Variants in CFAP20DC observed in about 807,000 individuals in gnomAD.
CFAP20DC encodes the protein protein CFAP20DC.
CFAP20DC carries 84 observed loss-of-function variants against 101.7 expected under a neutral mutation model. That is an observed-to-expected ratio of 0.83 (90% CI 0.69 to 0.99). The LOEUF is 0.99. Ranked by LOEUF, CFAP20DC falls within the 50% of genes least tolerant of loss-of-function variation. CFAP20DC has a pLI of 0.00. For missense variants in CFAP20DC, 1,007 were observed against 970.3 expected (o/e 1.04, Z -0.50); for synonymous variants, 359 against 351.2 (o/e 1.02, Z -0.25).
At chr3:58,816,450 G>A (rs1047579141) in intron 14 of CFAP20DC, among the ~76,000 whole-genome samples, 3 of 152,142 alleles carry the variant, frequency 2.0e-5, no homozygotes, top group East Asian at 1.9e-4. Context: ...TGCGCGAGCC[G>A]AAGCAGGGCG....
At chr3:59,033,527 A>T (rs1193705307) in intron 4 of CFAP20DC, among the ~76,000 whole-genome samples, 1 of 152,160 alleles carries the variant, frequency 6.6e-6, no homozygotes, top group Non-Finnish European at 1.5e-5. Flanking sequence ...GAGCTGAAAA[A>T]CACAGCACAA....
chr3:58,774,148 T>G (rs1206686243), intron 15 of CFAP20DC, among the ~76,000 whole-genome samples: 2 of 152,178 alleles, frequency 1.3e-5, no homozygotes, highest in African/African-American at 4.8e-5. Context: ...CAGAAAAAAC[T>G]AATCAAGCAT....
At chr3:58,770,204 C>T (rs758007860) in intron 15 of CFAP20DC, among the ~76,000 whole-genome samples, 2 of 152,184 alleles carry the variant, frequency 1.3e-5, no homozygotes, top group Non-Finnish European at 2.9e-5. Flanking sequence ...CTCAAGAATA[C>T]GTGAACAGTA....
intron 6 of CFAP20DC, among the ~76,000 whole-genome samples, chr3:58,909,900 A>T (rs2083973847): frequency 6.6e-6 from 1 of 152,056 alleles, no homozygotes; most frequent in Non-Finnish European, 1.5e-5. Flanking sequence ...CTACTCCCCA[A>T]CAGGCCCCAG....
intron 15 of CFAP20DC, among the ~76,000 whole-genome samples, chr3:58,756,668 A>C (rs544386127): frequency 4.6e-5 from 7 of 152,196 alleles, no homozygotes; most frequent in South Asian, 4.1e-4. Context: ...CCATCCCCTC[A>C]TAACTTCTAC....
Position 58,795,157 on chromosome 3 carries a change from G to T in CFAP20DC, c.2237+11238C>A, listed in dbSNP as rs1382732552. Among the ~76,000 whole-genome samples, 1 of 152,112 alleles carries T rather than the reference G, an allele frequency of 6.6e-6. No individual in the cohort carries two copies. The highest frequency in any genetic ancestry group is 1.5e-5 in the Non-Finnish European group (1 of 68,030). ...TTTAAAGGTTCTCATTACTCTTGAG[G>T]GGGAAGCTGAATCTTTTAATTAAAA... On this transcript the variant is annotated intron_variant, in intron 15 of 16. Transcript: ENST00000482387. The surrounding 1 kb of genome is among the most constrained non-coding windows in gnomAD (Gnocchi z 4.2).
chr3:58,975,279 G>A (rs2092211283), intron 4 of CFAP20DC, among the ~76,000 whole-genome samples: 1 of 151,852 alleles, frequency 6.6e-6, no homozygotes, highest in East Asian at 1.9e-4. Flanking sequence ...TTTTTTCAGA[G>A]TACTTACCAC....
At chr3:58,933,024 C>A (rs1241048489) in intron 5 of CFAP20DC, among the ~76,000 whole-genome samples, 1 of 152,062 alleles carries the variant, frequency 6.6e-6, no homozygotes, top group Non-Finnish European at 1.5e-5. Context: ...ATTCAGGAAA[C>A]CCATCTCACG....
intron 1 of CFAP20DC, among the ~76,000 whole-genome samples, chr3:59,049,249 A>T (rs115808797): frequency 2.3e-3 from 348 of 152,356 alleles, no homozygotes; most frequent in African/African-American, 8.1e-3. Context: ...CCAGTGTTGC[A>T]TGAATACTGA....
At chr3:58,925,549 G>A (rs1022942323) in intron 5 of CFAP20DC, among the ~76,000 whole-genome samples, 1 of 152,116 alleles carries the variant, frequency 6.6e-6, no homozygotes, top group Non-Finnish European at 1.5e-5. Context: ...AAGTTCAGAG[G>A]TTTATGATGA....
chr3:58,855,198 A>C (rs896984092), intron 12 of CFAP20DC, among the ~76,000 whole-genome samples: 2 of 152,198 alleles, frequency 1.3e-5, no homozygotes, highest in African/African-American at 4.8e-5. Context: ...ACACTTCTCA[A>C]AAGAAGACAT....
At chr3:59,022,375 G>A (rs1560006788) in intron 4 of CFAP20DC, among the ~76,000 whole-genome samples, 2 of 151,994 alleles carry the variant, frequency 1.3e-5, no homozygotes, top group Non-Finnish European at 2.9e-5. Flanking sequence ...AATTGGATAA[G>A]ATTTGTAGAT....
intron 12 of CFAP20DC, among the ~76,000 whole-genome samples, chr3:58,860,559 G>C (rs1298936306): frequency 6.6e-6 from 1 of 152,090 alleles, no homozygotes; most frequent in African/African-American, 2.4e-5. Context: ...CAAATTACTT[G>C]GCCTTGCAAA....
chr3:58,844,828 C>T (rs1198173731), intron 13 of CFAP20DC, among the ~76,000 whole-genome samples: 1 of 138,712 alleles, frequency 7.2e-6, no homozygotes, highest in African/African-American at 3.0e-5. Flanking sequence ...GACCACAGTG[C>T]AATCAAACTA....
intron 3 of CFAP20DC, among the ~76,000 whole-genome samples, chr3:58,720,679 A>C (rs780860857): frequency 6.6e-6 from 1 of 152,214 alleles, no homozygotes; most frequent in Non-Finnish European, 1.5e-5. Flanking sequence ...TACAGCTCGG[A>C]CTATAATCTC....
chr3:58,924,871 T>G (rs1219373658), intron 5 of CFAP20DC, among the ~76,000 whole-genome samples: 2 of 152,192 alleles, frequency 1.3e-5, no homozygotes, highest in Non-Finnish European at 2.9e-5. Context: ...CCACTGTTTG[T>G]CTTCTTTTGA....
chr3:58,754,099 A>G lies in CFAP20DC; in HGVS notation c.2238-236T>C, dbSNP rs531839217. ...CTTCAACTAAATGAATATTCCACTC[A>G]AAAGTTTATTATTGTTGTTATTAAA... On this transcript the variant is annotated intron_variant, in intron 15 of 16. Transcript: ENST00000482387. Among the ~76,000 whole-genome samples, 104 of 152,308 alleles carry G rather than the reference A, an allele frequency of 6.8e-4. No individual in the cohort carries two copies. The Middle Eastern group carries it at 0.01, about 15-fold the overall frequency.
intron 6 of CFAP20DC, among the ~76,000 whole-genome samples, chr3:58,890,047 C>G (rs1160088013): frequency 6.9e-6 from 1 of 145,584 alleles, no homozygotes; most frequent in Non-Finnish European, 1.5e-5. Flanking sequence ...CATCCTGGCC[C>G]GTTCTCAATG....
chr3:58,831,191 C>T (rs1049771342), intron 14 of CFAP20DC, among the ~76,000 whole-genome samples: 3 of 152,212 alleles, frequency 2.0e-5, no homozygotes, highest in Admixed American at 6.5e-5. Context: ...CTGAAGCATC[C>T]ACAGTGCCTA....
Sources: allele counts gnomAD v4.1 joint callset (sites outside exome capture counted in the v4.1 genomes callset), GRCh38; gene constraint gnomAD v4.1.1; non-coding constraint Gnocchi (gnomAD v3.1); transcripts MANE v1.5; gene names NCBI Gene and HGNC (gene_info 2026-07-23, HGNC 2026-07-21).